AUNIP: variants seen among roughly 807,000 people sequenced by gnomAD.
AUNIP encodes aurora kinase A- and ninein-interacting protein.
AUNIP carries 16 observed loss-of-function variants against 12.2 expected under a neutral mutation model. The ratio of observed to expected loss-of-function variants is 1.31; its 90% CI spans 0.88 to 1.99. The LOEUF is 1.99. AUNIP is among the 30% of genes most tolerant of loss of function. The pLI is 0.00. For missense variants in AUNIP, 411 were observed against 419.1 expected (o/e 0.98, Z 0.17); for synonymous variants, 142 against 154.8 (o/e 0.92, Z 0.61).
At chr1:25,832,157 G>C (rs770546738), downstream of AUNIP, 210 of 1,561,058 alleles carry the variant, frequency 1.3e-4, no homozygotes, top group Non-Finnish European at 4.8e-5. Context: ...CTAGAGCTTG[G>C]ACTGAAAGAG....
chr1:25,848,754 C>A (rs2124509141), intron 1 of AUNIP, among the ~76,000 whole-genome samples: 1 of 152,224 alleles, frequency 6.6e-6, no homozygotes, highest in South Asian at 2.1e-4. Context: ...GTGACTAAGC[C>A]CCCAAAACAA....
At chr1:25,852,673 C>T (rs1485443103) in intron 1 of AUNIP, among the ~76,000 whole-genome samples, 5 of 151,968 alleles carry the variant, frequency 3.3e-5, no homozygotes, top group African/African-American at 4.8e-5. Flanking sequence ...CTCCTGACCT[C>T]GGGTGATCCA....
intron 1 of AUNIP, among the ~76,000 whole-genome samples, chr1:25,851,447 A>G (rs992813401): frequency 6.6e-6 from 1 of 152,164 alleles, no homozygotes; most frequent in African/African-American, 2.4e-5. Context: ...AAGGATTGGT[A>G]TAATTCTTTA....
downstream of AUNIP, chr1:25,833,002 T>C (rs1014652357): frequency 2.0e-5 from 3 of 152,214 alleles, no homozygotes; most frequent in Non-Finnish European, 4.4e-5. Flanking sequence ...CATAGGATTA[T>C]TGTTAATTTT....
At chr1:25,851,442 T>C (rs543714665) in intron 1 of AUNIP, among the ~76,000 whole-genome samples, 2 of 152,326 alleles carry the variant, frequency 1.3e-5, no homozygotes, top group African/African-American at 4.8e-5. Flanking sequence ...GTCTGAAGGA[T>C]TGGTATAATT....
chr1:25,838,286 C>T (rs992161723), intron 1 of AUNIP, among the ~76,000 whole-genome samples: 1 of 151,578 alleles, frequency 6.6e-6, no homozygotes, highest in African/African-American at 2.4e-5. Context: ...GGGTGGATCA[C>T]GAGGTCAGGA....
chr1:25,858,870 G>C (rs1177728713), intron 1 of AUNIP, among the ~76,000 whole-genome samples: 1 of 152,074 alleles, frequency 6.6e-6, no homozygotes, highest in East Asian at 1.9e-4. Flanking sequence ...CAGACCCCGG[G>C]GTGAGAATTT....
intron 1 of AUNIP, among the ~76,000 whole-genome samples, chr1:25,858,871 G>T (rs987131888): frequency 6.6e-6 from 1 of 152,114 alleles, no homozygotes; most frequent in Non-Finnish European, 1.5e-5. Context: ...AGACCCCGGG[G>T]TGAGAATTTC....
At chr1:25,846,061 C>G (rs1018979492) in intron 1 of AUNIP, among the ~76,000 whole-genome samples, 9 of 152,218 alleles carry the variant, frequency 5.9e-5, no homozygotes, top group Non-Finnish European at 5.9e-5. Flanking sequence ...CAAATTTCTT[C>G]TATCACAATT....
chr1:25,855,111 C>T (rs2048451904), intron 1 of AUNIP, among the ~76,000 whole-genome samples: 1 of 151,994 alleles, frequency 6.6e-6, no homozygotes, highest in South Asian at 2.1e-4. Flanking sequence ...CACCCGTCAC[C>T]AAGCCTGGCT....
chr1:25,832,039 C>A, downstream of AUNIP: 2 of 1,614,106 alleles, frequency 1.2e-6, no homozygotes, highest in Non-Finnish European at 1.7e-6. Context: ...ACCCTCAGCT[C>A]TGCAAACTCA....
intron 1 of AUNIP, among the ~76,000 whole-genome samples, chr1:25,848,504 A>G (rs2048401354): frequency 6.6e-6 from 1 of 151,628 alleles, no homozygotes; most frequent in Non-Finnish European, 1.5e-5. Context: ...AAAAAAAAAA[A>G]AAGAATCTTA....
intron 1 of AUNIP, among the ~76,000 whole-genome samples, chr1:25,855,798 A>G (rs942642061): frequency 6.6e-6 from 1 of 152,222 alleles, no homozygotes; most frequent in Non-Finnish European, 1.5e-5. Context: ...ACCTTGTGAA[A>G]GGGAATCTTT....
rs147326863 is a variant in AUNIP at position 25,847,844 on chromosome 1, CT to C, written c.79-10291del. Among the ~76,000 whole-genome samples the C allele has an allele frequency of 0.03, 4,572 of 152,126 alleles. 106 individuals are homozygous for C. The highest frequency in any genetic ancestry group is 0.052 in the South Asian group (249 of 4,820). On this transcript the variant is annotated intron_variant, in intron 1 of 2. Coordinates refer to ENST00000374298, the MANE Select transcript of AUNIP (RefSeq NM_024037.3). The surrounding 1 kb of genome is among the most constrained non-coding windows in gnomAD (Gnocchi z 4.2). ...CCTGTGGTCCCTGCTACTTGGGAGG[CT>C]GAGGTGAGAGAATCGATTGAGCCCG...
chr1:25,840,175 G>A (rs1359520246), intron 1 of AUNIP, among the ~76,000 whole-genome samples: 1 of 152,072 alleles, frequency 6.6e-6, no homozygotes, highest in African/African-American at 2.4e-5. Flanking sequence ...GAATAAATAT[G>A]CGCAAGGATT....
intron 1 of AUNIP, among the ~76,000 whole-genome samples, chr1:25,843,613 A>G (rs1017855333): frequency 1.3e-5 from 2 of 150,302 alleles, no homozygotes; most frequent in African/African-American, 4.9e-5. Flanking sequence ...AAAAAAAAAA[A>G]AAAAAAAAAA....
rs192325633 is a variant in AUNIP at position 25,857,147 on chromosome 1, C to T, written c.78+2133G>A. Among the ~76,000 whole-genome samples, 8 of 152,092 alleles carry T rather than the reference C, an allele frequency of 5.3e-5. No homozygotes were observed. In the East Asian group the frequency reaches 1.5e-3, roughly 29 times the overall value. On this transcript the variant is annotated intron_variant, in intron 1 of 2. Transcript: ENST00000374298. ...TTAACTAACAAATCAAAGTGGTATA[C>T]AAGTTTCCCACGCATCCCATGTCAT...
rs1007307500 is a variant in AUNIP at position 25,834,756 on chromosome 1, T to C, written c.*237A>G. 34 of 1,387,758 alleles carry C rather than the reference T, an allele frequency of 2.4e-5. No individual in the cohort carries two copies. Among genetic ancestry groups the C allele is most frequent in the African/African-American group, 1.5e-4 (10 of 68,914 alleles). 86.0% of individuals were successfully genotyped at this position (1,387,758 alleles called of 1,614,324 possible). A position where few individuals can be genotyped will look rare whatever the true frequency, so the allele number is the denominator to read the frequency against. ...CACTGTGCTGCCTCAGTGTTCATCA[T>C]AGACTCATTCAGGGAATTTACCAGC... On this transcript the variant is annotated 3_prime_UTR_variant, in exon 3 of 3. Transcript: ENST00000374298.
intron 1 of AUNIP, among the ~76,000 whole-genome samples, chr1:25,844,583 T>G (rs541044609): frequency 6.7e-6 from 1 of 149,898 alleles, no homozygotes; most frequent in Non-Finnish European, 1.5e-5. Context: ...AAGTTTTGCT[T>G]CAAACAAATA....
Sources: gnomAD v4.1 joint callset for allele counts (sites outside exome capture counted in the v4.1 genomes callset) on GRCh38, gnomAD v4.1.1 for gene constraint, Gnocchi (gnomAD v3.1) non-coding constraint, MANE v1.5 for transcripts, NCBI Gene and HGNC (gene_info 2026-07-23, HGNC 2026-07-21) for gene names.